KHDRBS2: variants seen among roughly 807,000 people sequenced by gnomAD.
The protein encoded by KHDRBS2 is KH RNA binding domain containing, signal transduction associated 2.
Under a neutral mutation model 44.3 loss-of-function variants are expected in KHDRBS2, and 26 were observed. That is an observed-to-expected ratio of 0.59 (90% CI 0.43 to 0.81). The LOEUF is 0.81. Ranked by LOEUF, KHDRBS2 falls within the 40% of genes least tolerant of loss-of-function variation. The pLI is 0.00. For missense variants in KHDRBS2, 476 were observed against 433.1 expected (o/e 1.10, Z -0.88); for synonymous variants, 194 against 151.1 (o/e 1.28, Z -2.08).
intron 1 of KHDRBS2, among the ~76,000 whole-genome samples, chr6:62,215,306 T>C (rs1381043549): frequency 2.6e-5 from 4 of 151,838 alleles, no homozygotes; most frequent in Admixed American, 2.6e-4. Flanking sequence ...TGTTGCCCAT[T>C]ACAATCCAGA....
chr6:61,955,383 CAT>C (rs1243923601), intron 4 of KHDRBS2, among the ~76,000 whole-genome samples: 6 of 110,306 alleles, frequency 5.4e-5, no homozygotes, highest in African/African-American at 7.5e-5. Flanking sequence ...TATATATACA[CAT>C]ACGTATGTGT....
Position 62,001,788 on chromosome 6 carries a change from T to C in KHDRBS2, c.337-23576A>G, listed in dbSNP as rs1778284358. Among the ~76,000 whole-genome samples, 7 of 152,108 alleles carry C rather than the reference T, an allele frequency of 4.6e-5. 1 individual carries two copies. The South Asian group carries it at 1.4e-3, about 31-fold the overall frequency. Reference sequence around the variant, plus strand: ...AAGTTGAACCAAAATGACACTCAGGTGAACAAATCTCAGAGGTGAAAAGTT... The same window carrying C: ...AAGTTGAACCAAAATGACACTCAGGCGAACAAATCTCAGAGGTGAAAAGTT... On this transcript the variant is annotated intron_variant, in intron 3 of 8. Transcript: ENST00000281156.
chr6:62,274,344 C>T (rs74444702), intron 1 of KHDRBS2, among the ~76,000 whole-genome samples: 10 of 152,262 alleles, frequency 6.6e-5, no homozygotes, highest in African/African-American at 2.4e-4. Context: ...CTACATCATA[C>T]TTTAAATAAA....
intron 6 of KHDRBS2, among the ~76,000 whole-genome samples, chr6:61,843,341 T>TTTA (rs70993183): frequency 0.16 from 23,038 of 143,228 alleles, 2,074 homozygotes; most frequent in South Asian, 0.21. Context: ...TTATATCTAT[T>TTTA]TTATTATTAT....
At chr6:61,638,166 C>T in the KHDRBS2 span, among the ~76,000 whole-genome samples, 3 of 152,012 alleles carry the variant, frequency 2.0e-5, no homozygotes, top group South Asian at 2.1e-4. Context: ...CTTTAAAGTT[C>T]ATATGGAACC....
chr6:61,582,322 C>A, the KHDRBS2 span, among the ~76,000 whole-genome samples: 1 of 151,244 alleles, frequency 6.6e-6, no homozygotes, highest in Non-Finnish European at 1.5e-5. Flanking sequence ...CTAGCAGGCC[C>A]ATAGAAGAGA....
intron 6 of KHDRBS2, among the ~76,000 whole-genome samples, chr6:61,773,435 GTCT>G (rs1781349107): frequency 6.6e-6 from 1 of 152,130 alleles, no homozygotes; most frequent in South Asian, 2.1e-4. Context: ...CTGCATAAAT[GTCT>G]TCTTTTGAGA....
chr6:61,755,590 T>A (rs2127570443), intron 6 of KHDRBS2, among the ~76,000 whole-genome samples: 2 of 151,918 alleles, frequency 1.3e-5, no homozygotes, highest in African/African-American at 4.8e-5. Flanking sequence ...GATGGGCGGG[T>A]CATGGGGTCA....
At chr6:61,728,763 G>A (rs1773980228) in intron 7 of KHDRBS2, among the ~76,000 whole-genome samples, 2 of 152,108 alleles carry the variant, frequency 1.3e-5, no homozygotes, top group Non-Finnish European at 2.9e-5. Context: ...TTGATAAATA[G>A]ATACTCCAAA....
At chr6:62,128,789 G>A (rs1248204867) in intron 2 of KHDRBS2, among the ~76,000 whole-genome samples, 1 of 151,366 alleles carries the variant, frequency 6.6e-6, no homozygotes, top group African/African-American at 2.4e-5. Context: ...CAATTACAAC[G>A]ACACAATAAA....
intron 1 of KHDRBS2, among the ~76,000 whole-genome samples, chr6:62,187,219 A>G (rs1467351067): frequency 4.5e-4 from 68 of 152,288 alleles, no homozygotes; most frequent in Admixed American, 4.5e-3. Flanking sequence ...AATATTACCT[A>G]CATTATACAA....
At chr6:61,832,817 T>G (rs1412667056) in intron 6 of KHDRBS2, among the ~76,000 whole-genome samples, 1 of 152,210 alleles carries the variant, frequency 6.6e-6, no homozygotes, top group Non-Finnish European at 1.5e-5. Flanking sequence ...CTCAAGTCTT[T>G]TTGTGTCCAA....
the KHDRBS2 span, among the ~76,000 whole-genome samples, chr6:61,555,797 G>C: frequency 6.6e-6 from 1 of 152,296 alleles, no homozygotes; most frequent in African/African-American, 2.4e-5. Context: ...GCAAGGCTCA[G>C]ATCAACACTC....
intron 6 of KHDRBS2, among the ~76,000 whole-genome samples, chr6:61,801,029 C>T (rs1315704100): frequency 1.3e-5 from 2 of 152,120 alleles, no homozygotes; most frequent in African/African-American, 2.4e-5. Context: ...TGCATTTGCA[C>T]CTGTCTAAGG....
At chr6:61,792,614 C>T (rs1383858555) in intron 6 of KHDRBS2, among the ~76,000 whole-genome samples, 1 of 151,454 alleles carries the variant, frequency 6.6e-6, no homozygotes, top group Non-Finnish European at 1.5e-5. Context: ...AAATATCATT[C>T]CTCTCACCTT....
chr6:62,021,498 T>G (rs963348294), intron 3 of KHDRBS2, among the ~76,000 whole-genome samples: 3 of 151,930 alleles, frequency 2.0e-5, no homozygotes, highest in Non-Finnish European at 4.4e-5. Flanking sequence ...GACAGTCCTC[T>G]TTTTACACTT....
chr6:61,617,206 A>G, the KHDRBS2 span, among the ~76,000 whole-genome samples: 1 of 152,220 alleles, frequency 6.6e-6, no homozygotes. Context: ...GCATTAAACT[A>G]GTTCCATATC....
chr6:61,671,029 G>C, the KHDRBS2 span, among the ~76,000 whole-genome samples: 1 of 151,604 alleles, frequency 6.6e-6, no homozygotes, highest in Non-Finnish European at 1.5e-5. Context: ...ACACTGAGAA[G>C]ATAGGAGCAT....
At chr6:61,606,512 G>T in the KHDRBS2 span, among the ~76,000 whole-genome samples, 23 of 152,250 alleles carry the variant, frequency 1.5e-4, no homozygotes, top group East Asian at 4.4e-3. Context: ...AAGTGTGCGT[G>T]GAAGTCATAC....
Sources: gnomAD v4.1 joint callset for allele counts (sites outside exome capture counted in the v4.1 genomes callset) on GRCh38, gnomAD v4.1.1 for gene constraint, MANE v1.5 for transcripts, NCBI Gene and HGNC (gene_info 2026-07-23, HGNC 2026-07-21) for gene names.